The following RABGAP1L variants were observed in gnomAD, a reference collection of about 807,000 sequenced individuals.
RABGAP1L encodes rab GTPase-activating protein 1-like.
RABGAP1L carries 63 observed loss-of-function variants against 137.7 expected under a neutral mutation model. The observed-to-expected ratio is 0.46, with a 90% CI of 0.37 to 0.56. The LOEUF is 0.56. Ranked by LOEUF, RABGAP1L falls within the 20% of genes least tolerant of loss-of-function variation. The pLI is 0.00. For missense variants in RABGAP1L, 1,095 were observed against 1,244.0 expected, an observed-to-expected ratio of 0.88 and a Z score of 1.80; for synonymous variants, 431 against 433.7, an observed-to-expected ratio of 0.99 and a Z score of 0.08.
At chr1:174,940,164 C>T (rs1304828125) in intron 19 of RABGAP1L, among the ~76,000 whole-genome samples, 4 of 152,166 alleles carry the variant, frequency 2.6e-5, no homozygotes, top group Admixed American at 1.3e-4. Flanking sequence ...TCCCTTTCTA[C>T]TGTCACCTTT....
chr1:174,887,551 G>T (rs1655367030), intron 19 of RABGAP1L, among the ~76,000 whole-genome samples: 1 of 151,924 alleles, frequency 6.6e-6, no homozygotes, highest in South Asian at 2.1e-4. Context: ...TGTTTCTAGG[G>T]TATGCCAACA....
At chr1:174,675,535 T>A (rs866948691) in intron 14 of RABGAP1L, among the ~76,000 whole-genome samples, 1 of 151,774 alleles carries the variant, frequency 6.6e-6, no homozygotes, top group Admixed American at 6.6e-5. Context: ...TGCCTCCAGC[T>A]TTGTTCTTTT....
rs1204724885 is a variant in RABGAP1L at position 174,570,458 on chromosome 1, C to G, written c.1711-66917C>G. On this transcript the variant is annotated intron_variant, in intron 13 of 25. Transcript: ENST00000681986. ...GTGTGTTTTCACTTATAAGTCGGAGCTAAACATTTGATACACACGAACATA... is the reference window on the plus strand; with the variant it reads ...GTGTGTTTTCACTTATAAGTCGGAGGTAAACATTTGATACACACGAACATA... Among the ~76,000 whole-genome samples the G allele has an allele frequency of 1.6e-4, 25 of 152,060 alleles. 1 individual carries two copies. The highest frequency in any genetic ancestry group is 1.6e-3 in the Admixed American group (25 of 15,258).
rs1684405564 is a variant in RABGAP1L, at chr1:174,752,326, T to A, written c.2183T>A (p.Ile728Asn). 2 of 1,587,850 alleles carry A rather than the reference T, an allele frequency of 1.3e-6. No individual in the cohort carries two copies. The highest frequency in any genetic ancestry group is 1.4e-5 in the African/African-American group (1 of 73,448). Residue 728 changes from isoleucine (I) to asparagine (N), a missense_variant, in exon 18 of 26, where the codon ATC (isoleucine) becomes AAC (asparagine). Coordinates refer to ENST00000681986, the MANE Select transcript of RABGAP1L (RefSeq NM_001366446.1). ...DLLLCEGLNI[I>N]FHVALALLKT... Reference sequence around the variant, plus strand: ...TTTCTATTTCAGGGTTTGAACATAATCTTTCATGTAGCTTTGGCTCTCCTA... The same window carrying A: ...TTTCTATTTCAGGGTTTGAACATAAACTTTCATGTAGCTTTGGCTCTCCTA...
chr1:174,280,609 G>A (rs894258819), intron 10 of RABGAP1L, among the ~76,000 whole-genome samples: 2 of 152,164 alleles, frequency 1.3e-5, no homozygotes, highest in Non-Finnish European at 2.9e-5. Context: ...GGGGATGTAT[G>A]AAAGTCTGCT....
At chr1:174,789,967 G>A (rs929395371) in intron 18 of RABGAP1L, among the ~76,000 whole-genome samples, 14 of 152,122 alleles carry the variant, frequency 9.2e-5, no homozygotes, top group Non-Finnish European at 1.9e-4. Context: ...TGGCACTTTG[G>A]GAGGCTGAGG....
At chr1:174,460,751 T>C (rs904802438) in intron 13 of RABGAP1L, among the ~76,000 whole-genome samples, 3 of 152,146 alleles carry the variant, frequency 2.0e-5, no homozygotes, top group African/African-American at 7.2e-5. Flanking sequence ...AGGAATTTGA[T>C]TTTTTACTTA....
intron 10 of RABGAP1L, among the ~76,000 whole-genome samples, chr1:174,300,529 C>CA (rs34220318): frequency 0.17 from 14,560 of 84,100 alleles, 2,040 homozygotes; most frequent in East Asian, 0.45. Flanking sequence ...AACTCCATCT[C>CA]AAAAAAAAAA....
At chr1:174,959,587 T>C (rs930491900) in intron 20 of RABGAP1L, among the ~76,000 whole-genome samples, 1 of 152,234 alleles carries the variant, frequency 6.6e-6, no homozygotes, top group Non-Finnish European at 1.5e-5. Flanking sequence ...CTTCTTGTTT[T>C]GAAAGCAGGC....
chr1:174,165,731 T>C (rs1416965100), intron 1 of RABGAP1L, among the ~76,000 whole-genome samples: 1 of 152,118 alleles, frequency 6.6e-6, no homozygotes, highest in African/African-American at 2.4e-5. Context: ...ACTTCTGGAC[T>C]GAAACTGTCC....
chr1:174,443,403 T>A (rs1571837873), intron 13 of RABGAP1L, among the ~76,000 whole-genome samples: 2 of 152,132 alleles, frequency 1.3e-5, no homozygotes, highest in African/African-American at 4.8e-5. Flanking sequence ...GTCTTTTTGG[T>A]AATAGCCATA....
chr1:174,606,742 A>G (rs905391596), intron 13 of RABGAP1L, among the ~76,000 whole-genome samples: 4 of 152,150 alleles, frequency 2.6e-5, no homozygotes, highest in Admixed American at 2.6e-4. Context: ...GATGATGTCT[A>G]TCCATTGTTA....
intron 14 of RABGAP1L, among the ~76,000 whole-genome samples, chr1:174,682,976 A>G (rs928883979): frequency 2.0e-5 from 3 of 151,992 alleles, no homozygotes. Context: ...TAGATTGGAG[A>G]ACCATTTTTA....
chr1:174,415,322 A>G (rs780718574), intron 13 of RABGAP1L, among the ~76,000 whole-genome samples: 10 of 152,060 alleles, frequency 6.6e-5, no homozygotes, highest in Non-Finnish European at 7.4e-5. Context: ...AATAGACTTC[A>G]ATTTTCTACA....
At chr1:174,811,697 C>A (rs1689885933) in intron 18 of RABGAP1L, 135 bp from the exon 19 acceptor site, 2 of 840,812 alleles carry the variant, frequency 2.4e-6, no homozygotes, top group Admixed American at 7.5e-5. Flanking sequence ...TTAGAAATAT[C>A]TTCTTAAAAT....
intron 13 of RABGAP1L, among the ~76,000 whole-genome samples, chr1:174,471,218 CT>C (rs1162924492): frequency 1.3e-5 from 2 of 152,066 alleles, no homozygotes; most frequent in African/African-American, 4.8e-5. Flanking sequence ...TTGAACCTCC[CT>C]TTTGATCGAA....
At chr1:174,383,366 A>G (rs1372794677) in intron 12 of RABGAP1L, among the ~76,000 whole-genome samples, 1 of 151,402 alleles carries the variant, frequency 6.6e-6, no homozygotes, top group Non-Finnish European at 1.5e-5. Flanking sequence ...AGCCTGGGCA[A>G]TGGCGGGCGC....
At chr1:174,934,435 A>G (rs1664391784) in intron 19 of RABGAP1L, among the ~76,000 whole-genome samples, 2 of 152,088 alleles carry the variant, frequency 1.3e-5, no homozygotes, top group Admixed American at 6.6e-5. Context: ...TGATGTAAGA[A>G]TGTACAGTTA....
intron 18 of RABGAP1L, among the ~76,000 whole-genome samples, chr1:174,797,795 C>G (rs1688387227): frequency 6.6e-6 from 1 of 151,756 alleles, no homozygotes; most frequent in South Asian, 2.1e-4. Flanking sequence ...TTCTTATGGC[C>G]TCCCTCTTCC....
Sources: gnomAD v4.1 joint callset for allele counts (sites outside exome capture counted in the v4.1 genomes callset) on GRCh38, gnomAD v4.1.1 for gene constraint, MANE v1.5 for transcripts, NCBI Gene and HGNC (gene_info 2026-07-23, HGNC 2026-07-21) for gene names.